LAMA2: variants seen among roughly 807,000 people sequenced by gnomAD.
LAMA2 encodes laminin subunit alpha 2, also known as laminin subunit alpha-2.
Under a neutral mutation model 364.8 loss-of-function variants are expected in LAMA2, and 269 were observed. The ratio of observed to expected loss-of-function variants is 0.74; its 90% CI spans 0.67 to 0.82. The LOEUF (loss-of-function observed/expected upper bound fraction) is 0.82, where lower values mean the gene tolerates loss of function less well. Among genes scored for constraint, LAMA2 ranks in the 40% least tolerant of loss-of-function variants. LAMA2 has a pLI of 0.00. For missense variants in LAMA2, 3,807 were observed against 3,873.2 expected, an observed-to-expected ratio of 0.98 and a Z score of 0.45; for synonymous variants, 1,379 against 1,370.6, an observed-to-expected ratio of 1.01 and a Z score of -0.14.
At chr6:128,911,220 A>T (rs9482952) in intron 1 of LAMA2, among the ~76,000 whole-genome samples, 1 of 151,504 alleles carries the variant, frequency 6.6e-6, no homozygotes, top group African/African-American at 2.4e-5. Flanking sequence ...GCAATGGCAG[A>T]CGCCCCTCCC....
chr6:129,008,339 A>G (rs1265394673), intron 1 of LAMA2, among the ~76,000 whole-genome samples: 3 of 152,156 alleles, frequency 2.0e-5, no homozygotes, highest in Admixed American at 1.3e-4. Context: ...GCTCAAAGTG[A>G]GTGAAGGTAA....
At chr6:129,186,711 C>T (rs755992341) in intron 10 of LAMA2, among the ~76,000 whole-genome samples, 5 of 151,600 alleles carry the variant, frequency 3.3e-5, no homozygotes, top group Non-Finnish European at 5.9e-5. Context: ...AGATCCAGAA[C>T]ATGTTGTCTG....
chr6:129,473,293 T>C lies in LAMA2; in HGVS notation c.7380T>C (p.Leu2460=), dbSNP rs1388860787. The C allele has an allele frequency of 6.2e-7, 1 of 1,612,490 alleles. No homozygotes were observed. Among genetic ancestry groups the C allele is most frequent in the Non-Finnish European group, 8.5e-7 (1 of 1,179,022 alleles). Reference sequence around the variant, plus strand: ...CGTCTTCTGGAAACAACTTTGGTCTTGACTTGAAAGCAGATGACAAAATAT... The same window carrying C: ...CGTCTTCTGGAAACAACTTTGGTCTCGACTTGAAAGCAGATGACAAAATAT... ...ATSSSGNNFG[L]DLKADDKIYF... Residue 2460 remains leucine (L), a synonymous_variant, in exon 52 of 65, where the codon CTT becomes CTC. Coordinates refer to ENST00000421865, the MANE Select transcript of LAMA2 (RefSeq NM_000426.4).
chr6:129,268,789 G>T (rs978648110), intron 16 of LAMA2, among the ~76,000 whole-genome samples: 1 of 152,022 alleles, frequency 6.6e-6, no homozygotes, highest in African/African-American at 2.4e-5. Context: ...ACAGAATCTG[G>T]TGTTTCCTGA....
chr6:129,484,607 A>G (rs1329138400), intron 55 of LAMA2, among the ~76,000 whole-genome samples: 1 of 152,228 alleles, frequency 6.6e-6, no homozygotes, highest in Non-Finnish European at 1.5e-5. Context: ...GGAATAAATT[A>G]TAACTAAATA....
At chr6:129,458,991 C>A (rs1469009798) in intron 48 of LAMA2, among the ~76,000 whole-genome samples, 1 of 151,984 alleles carries the variant, frequency 6.6e-6, no homozygotes, top group East Asian at 1.9e-4. Context: ...GTTGTAGGCA[C>A]CAGAATATAA....
chr6:128,906,949 T>A (rs1319149183), intron 1 of LAMA2, among the ~76,000 whole-genome samples: 7 of 151,752 alleles, frequency 4.6e-5, no homozygotes, highest in African/African-American at 1.7e-4. Context: ...TAGTTGTAGA[T>A]ATGCAGTGTT....
intron 1 of LAMA2, among the ~76,000 whole-genome samples, chr6:129,013,336 C>G (rs1027896605): frequency 1.3e-5 from 2 of 151,974 alleles, no homozygotes; most frequent in South Asian, 4.1e-4. Flanking sequence ...ACTCGGGAGG[C>G]TGAGGCAGGA....
chr6:129,278,306 T>C (rs1788468528), intron 17 of LAMA2, among the ~76,000 whole-genome samples: 2 of 152,238 alleles, frequency 1.3e-5, no homozygotes. Flanking sequence ...ACAATTGGTA[T>C]GGTTTTCTTT....
intron 32 of LAMA2, among the ~76,000 whole-genome samples, chr6:129,363,272 C>T (rs536207724): frequency 1.3e-5 from 2 of 152,040 alleles, no homozygotes; most frequent in African/African-American, 4.8e-5. Flanking sequence ...CCACTGTACT[C>T]CAGCATGGGT....
chr6:129,054,159 G>C (rs1788297523), intron 2 of LAMA2, among the ~76,000 whole-genome samples: 1 of 152,142 alleles, frequency 6.6e-6, no homozygotes, highest in Admixed American at 6.5e-5. Flanking sequence ...GTTACCTGCT[G>C]AGGAAAGAAG....
intron 30 of LAMA2, among the ~76,000 whole-genome samples, chr6:129,348,739 G>A (rs1387937450): frequency 6.6e-6 from 1 of 152,062 alleles, no homozygotes; most frequent in Non-Finnish European, 1.5e-5. Flanking sequence ...ATTACTTTGT[G>A]TTCAAGGTAA....
At chr6:129,102,535 ATATTC>A (rs1775578700) in intron 4 of LAMA2, among the ~76,000 whole-genome samples, 1 of 152,052 alleles carries the variant, frequency 6.6e-6, no homozygotes, top group South Asian at 2.1e-4. Context: ...AAAATTTTCA[ATATTC>A]TATTTTTAAT....
intron 3 of LAMA2, among the ~76,000 whole-genome samples, chr6:129,071,831 C>G (rs1228828585): frequency 2.6e-5 from 4 of 152,052 alleles, no homozygotes; most frequent in Non-Finnish European, 5.9e-5. Flanking sequence ...ATGGCAGTGA[C>G]TTGAAAACAA....
At chr6:128,906,559 C>A (rs1345782626) in intron 1 of LAMA2, among the ~76,000 whole-genome samples, 1 of 148,970 alleles carries the variant, frequency 6.7e-6, no homozygotes, top group East Asian at 2.0e-4. Context: ...GAGTAGGTTG[C>A]GAAAATTTTC....
rs202105513 is a variant in LAMA2, at chr6:129,024,382, C to CT, written c.113-25515dup. Among the ~76,000 whole-genome samples, 1,010 of 116,712 alleles carry CT rather than the reference C, an allele frequency of 8.7e-3. 23 individuals carry two copies. Among genetic ancestry groups the CT allele is most frequent in the African/African-American group, 0.027 (945 of 34,930 alleles). The allele number at this position is 116,712 out of a possible 152,430, so 76.6% of individuals were successfully genotyped here. A position where few individuals can be genotyped will look rare whatever the true frequency, so the allele number is the denominator to read the frequency against. ...ACAGCTGTAGCTTTTTCTTTTCTTT[C>CT]TTTTTTTTTTTTTTTTTTTTTGAGA... On this transcript the variant is annotated intron_variant, in intron 1 of 64. Transcript: ENST00000421865.
intron 41 of LAMA2, among the ~76,000 whole-genome samples, chr6:129,437,302 A>G (rs1368253309): frequency 6.6e-6 from 1 of 152,146 alleles, no homozygotes; most frequent in Non-Finnish European, 1.5e-5. Flanking sequence ...ATAGTAGTAT[A>G]TACATCATCA....
chr6:129,021,714 C>G (rs190272775), intron 1 of LAMA2, among the ~76,000 whole-genome samples: 23 of 152,234 alleles, frequency 1.5e-4, no homozygotes, highest in African/African-American at 5.1e-4. Context: ...TCAAGTATGT[C>G]CTGCCTGGAT....
chr6:129,087,374 C>T (rs1004701691), intron 3 of LAMA2, among the ~76,000 whole-genome samples: 1 of 152,132 alleles, frequency 6.6e-6, no homozygotes, highest in Non-Finnish European at 1.5e-5. Flanking sequence ...TGGGACACAC[C>T]TTTGTTTAAA....
Sources: gnomAD v4.1 joint callset for allele counts (sites outside exome capture counted in the v4.1 genomes callset) on GRCh38, gnomAD v4.1.1 for gene constraint, MANE v1.5 for transcripts, NCBI Gene and HGNC (gene_info 2026-07-23, HGNC 2026-07-21) for gene names.